NCAM2: variants seen among roughly 807,000 people sequenced by gnomAD.
The protein encoded by NCAM2 is neural cell adhesion molecule 2.
In NCAM2, 30 loss-of-function variants were observed where a neutral mutation model predicts 98.1. The observed-to-expected ratio is 0.31, with a 90% CI of 0.23 to 0.41. NCAM2 has a LOEUF of 0.41. Among genes scored for constraint, NCAM2 ranks in the 10% least tolerant of loss-of-function variants. The pLI, the probability that NCAM2 is intolerant of heterozygous loss-of-function variation, is 1.00. For synonymous variants in NCAM2, 368 were observed against 342.4 expected (o/e 1.07, Z -0.83); for missense variants, 867 against 1,005.8 (o/e 0.86, Z 1.87).
rs1340055798 is a variant in NCAM2, at chr21:21,398,426, A to G, written c.1196-11848A>G. 3.3e-5 allele frequency among the ~76,000 whole-genome samples: 5 copies of G among 152,196 alleles called. No individual in the cohort carries two copies. In the South Asian group the frequency reaches 6.2e-4, roughly 19 times the overall value. Reference sequence around the variant, plus strand: ...AAACCTATTGAAATAAAAAATTAAAATTAAAAAGAAGAAAAAAGGTGATTA... The same window carrying G: ...AAACCTATTGAAATAAAAAATTAAAGTTAAAAAGAAGAAAAAAGGTGATTA... On this transcript the variant is annotated intron_variant, in intron 9 of 17. Coordinates refer to ENST00000400546, the MANE Select transcript of NCAM2 (RefSeq NM_004540.5).
rs548584160 is a variant in NCAM2, at chr21:21,106,769, C to T, written c.55+108151C>T. On this transcript the variant is annotated intron_variant, in intron 1 of 17. Transcript: ENST00000400546. The stretch of plus-strand genomic sequence containing the variant: ...GGAAAGAAAAAAGAATAAAGATAAC[C>T]GCTACAGATTTAGTAGAGTTATCAG... Among the ~76,000 whole-genome samples the T allele has an allele frequency of 1.1e-4, 17 of 151,644 alleles. No homozygotes were observed. In the South Asian group the frequency reaches 1.5e-3, roughly 13 times the overall value.
intron 5 of NCAM2, among the ~76,000 whole-genome samples, chr21:21,305,056 G>A (rs1027836753): frequency 2.0e-5 from 3 of 152,090 alleles, no homozygotes; most frequent in Non-Finnish European, 4.4e-5. Flanking sequence ...AGTGGCTCAC[G>A]CCTGTAATCC....
chr21:21,119,441 T>A (rs1175201244), intron 1 of NCAM2, among the ~76,000 whole-genome samples: 1 of 152,222 alleles, frequency 6.6e-6, no homozygotes, highest in East Asian at 1.9e-4. Context: ...TCTAAGGTAT[T>A]TGATTTTAAA....
chr21:21,394,726 A>T (rs995446759), intron 9 of NCAM2, among the ~76,000 whole-genome samples: 1 of 151,750 alleles, frequency 6.6e-6, no homozygotes, highest in Non-Finnish European at 1.5e-5. Flanking sequence ...TGACCTCGTG[A>T]TCCTCCTGCC....
chr21:21,242,347 T>C (rs1016776360), intron 1 of NCAM2, among the ~76,000 whole-genome samples: 2 of 152,214 alleles, frequency 1.3e-5, no homozygotes, highest in African/African-American at 4.8e-5. Flanking sequence ...AGTGAAAACA[T>C]TTAAAATCTA....
At chr21:21,270,052 T>C (rs756823952) in intron 1 of NCAM2, among the ~76,000 whole-genome samples, 1 of 152,118 alleles carries the variant, frequency 6.6e-6, no homozygotes, top group Non-Finnish European at 1.5e-5. Context: ...TCTGGAGACT[T>C]AGGTATTAGG....
chr21:21,530,551 TAC>T (rs1176858617), intron 16 of NCAM2, among the ~76,000 whole-genome samples: 2 of 150,832 alleles, frequency 1.3e-5, no homozygotes, highest in Admixed American at 6.6e-5. Context: ...TATCCTAGGA[TAC>T]ACACACACTC....
Position 21,280,776 on chromosome 21 carries a change from T to C in NCAM2, c.130+124T>C, listed in dbSNP as rs2147495484. ...AACAATAACATCTTACAGTTGGTTTTTTGTTTTTGTTTTTGTTGTTTTTGA... is the reference window on the plus strand; with the variant it reads ...AACAATAACATCTTACAGTTGGTTTCTTGTTTTTGTTTTTGTTGTTTTTGA... On this transcript the variant is annotated intron_variant, in intron 2 of 17. Transcript: ENST00000400546. The C allele has an allele frequency of 5.0e-6, 3 of 605,432 alleles. No homozygotes were observed. In the East Asian group the frequency reaches 9.8e-5, roughly 20 times the overall value. The allele number at this position is 605,432 out of a possible 1,614,324, so 37.5% of individuals were successfully genotyped here.
chr21:21,329,318 T>C (rs2074608290), intron 6 of NCAM2, among the ~76,000 whole-genome samples: 1 of 152,218 alleles, frequency 6.6e-6, no homozygotes, highest in Admixed American at 6.5e-5. Flanking sequence ...TGCAGATATT[T>C]ACTATTATGT....
rs987087664 is a variant in NCAM2 at position 21,542,034 on chromosome 21, T to C, written c.*4077T>C. ...TGGATGTATCAACATAGGCTAAAATTAAATTATGGATGTCGCAGAAATGAA... is the reference window on the plus strand; with the variant it reads ...TGGATGTATCAACATAGGCTAAAATCAAATTATGGATGTCGCAGAAATGAA... On this transcript the variant is annotated 3_prime_UTR_variant, in exon 18 of 18. Coordinates refer to ENST00000400546, the MANE Select transcript of NCAM2 (RefSeq NM_004540.5). The C allele has an allele frequency of 2.6e-5, 4 of 151,910 alleles. No individual in the cohort carries two copies. The highest frequency in any genetic ancestry group is 9.7e-5 in the African/African-American group (4 of 41,442). The allele number at this position is 151,910 out of a possible 1,614,324, so 9.4% of individuals were successfully genotyped here.
At chr21:21,198,531 C>G (rs2069094946) in intron 1 of NCAM2, among the ~76,000 whole-genome samples, 1 of 152,104 alleles carries the variant, frequency 6.6e-6, no homozygotes, top group South Asian at 2.1e-4. Flanking sequence ...TGCTAGTTCA[C>G]TTAATAAAAT....
intron 8 of NCAM2, among the ~76,000 whole-genome samples, chr21:21,364,855 T>G (rs2075746419): frequency 6.6e-6 from 1 of 152,202 alleles, no homozygotes; most frequent in South Asian, 2.1e-4. Context: ...TTTTTAGAAC[T>G]TCCATAATGG....
intron 10 of NCAM2, among the ~76,000 whole-genome samples, chr21:21,415,365 G>T (rs1235374194): frequency 8.2e-6 from 1 of 121,662 alleles, no homozygotes; most frequent in Non-Finnish European, 1.6e-5. Context: ...TTGAGACAGG[G>T]TCTTGCTCTG....
chr21:21,207,463 AAGGATTCAAGACTG>A (rs1176193890), intron 1 of NCAM2, among the ~76,000 whole-genome samples: 2 of 152,168 alleles, frequency 1.3e-5, no homozygotes, highest in African/African-American at 4.8e-5. Flanking sequence ...CATGCCAAGC[AAGGATTCAAGACTG>A]TGACTGTAAC....
chr21:21,253,551 C>A (rs1403695842), intron 1 of NCAM2, among the ~76,000 whole-genome samples: 1 of 152,088 alleles, frequency 6.6e-6, no homozygotes, highest in Non-Finnish European at 1.5e-5. Flanking sequence ...AACCAGAAAA[C>A]AAACCTCACC....
Position 21,335,496 on chromosome 21 carries a change from C to T in NCAM2, c.738-9C>T, listed in dbSNP as rs1456635862. The T allele has an allele frequency of 4.5e-6, 7 of 1,570,858 alleles. No homozygotes were observed. The Admixed American group carries it at 5.9e-5, about 13-fold the overall frequency. ...ATCTGTGAGGATGAACCTCTTTTTTCTTCTTTAGGAATGGCAAGCTCATTG... is the reference window on the plus strand; with the variant it reads ...ATCTGTGAGGATGAACCTCTTTTTTTTTCTTTAGGAATGGCAAGCTCATTG... On this transcript the variant is annotated splice_polypyrimidine_tract_variant and intron_variant, in intron 6 of 17. Coordinates refer to ENST00000400546, the MANE Select transcript of NCAM2 (RefSeq NM_004540.5).
chr21:21,137,781 G>A (rs1420797637), intron 1 of NCAM2, among the ~76,000 whole-genome samples: 1 of 152,104 alleles, frequency 6.6e-6, no homozygotes, highest in Non-Finnish European at 1.5e-5. Context: ...AAGTGTAAGA[G>A]TGATTTTTTT....
At chr21:21,499,271 CA>C (rs1465077759) in intron 15 of NCAM2, among the ~76,000 whole-genome samples, 1 of 152,126 alleles carries the variant, frequency 6.6e-6, no homozygotes. Flanking sequence ...TTGTTTGAGA[CA>C]GAGTCTCGCT....
chr21:21,419,910 GT>G (rs2077076644), intron 11 of NCAM2, among the ~76,000 whole-genome samples: 1 of 151,956 alleles, frequency 6.6e-6, no homozygotes, highest in African/African-American at 2.4e-5. Context: ...GGTATTTCTA[GT>G]TCTAGATCCC....
Sources: allele counts gnomAD v4.1 joint callset (sites outside exome capture counted in the v4.1 genomes callset), GRCh38; gene constraint gnomAD v4.1.1; transcripts MANE v1.5; gene names NCBI Gene and HGNC (gene_info 2026-07-23, HGNC 2026-07-21).